Variants in MIA2 observed in about 807,000 individuals in gnomAD.
The protein encoded by MIA2 is MIA SH3 domain ER export factor 2.
A neutral mutation model predicts 167.8 loss-of-function variants in MIA2; 127 were observed. The ratio of observed to expected loss-of-function variants is 0.76; its 90% confidence interval spans 0.66 to 0.88. MIA2 has a LOEUF of 0.88. Ranked by LOEUF, MIA2 falls within the 40% of genes least tolerant of loss-of-function variation. MIA2 has a pLI of 0.00. For synonymous variants in MIA2, 552 were observed against 541.9 expected (o/e 1.02, Z -0.26); for missense variants, 1,690 against 1,624.7 (o/e 1.04, Z -0.69).
intron 23 of MIA2, among the ~76,000 whole-genome samples, chr14:39,358,371 A>C (rs181944825): frequency 1.3e-5 from 2 of 152,282 alleles, no homozygotes; most frequent in Non-Finnish European, 2.9e-5. Context: ...TGCATTCGTC[A>C]CGTAGTTCTT....
intron 26 of MIA2, chr14:39,347,494 G>A (rs2153076571): frequency 1.9e-6 from 1 of 536,650 alleles, no homozygotes; most frequent in South Asian, 2.3e-5. Flanking sequence ...TTAGGAACTA[G>A]CCAGAGAAAT....
At chr14:39,263,632 TC>T (rs1168647439) in intron 6 of MIA2, among the ~76,000 whole-genome samples, 221 of 120,448 alleles carry the variant, frequency 1.8e-3, no homozygotes, top group Admixed American at 6.0e-3. Context: ...TCTCTCTCTC[TC>T]TTTTTTTTTT....
rs769272934 is a variant in MIA2, at chr14:39,348,807, C to A, written c.3902C>A (p.Pro1301His). Residue 1301 changes from proline to histidine, a missense_variant, in exon 28 of 29, where the codon CCT (proline) becomes CAT (histidine). Transcript: ENST00000640607. Reference protein sequence around the residue: ...ENEATGPGFVPPPLAPIRGPL... With the variant: ...ENEATGPGFVHPPLAPIRGPL... The stretch of plus-strand genomic sequence containing the variant: ...GAAGCCACTGGCCCTGGCTTTGTTC[C>A]TCCACCTCTTGCTCCAATCAGAGGT... The A allele has an allele frequency of 6.2e-7, 1 of 1,614,040 alleles. No homozygotes were observed. Among genetic ancestry groups the A allele is most frequent in the Non-Finnish European group, 8.5e-7 (1 of 1,179,922 alleles).
chr14:39,234,246 C>A lies in MIA2; in HGVS notation c.115+17C>A. Reference sequence around the variant, plus strand: ...AATGTGAAGGTAAGTTTGCTTCCCCCGCTTCTTCTCCTCCTAAATTGAGGC... The same window carrying A: ...AATGTGAAGGTAAGTTTGCTTCCCCAGCTTCTTCTCCTCCTAAATTGAGGC... On this transcript the variant is annotated intron_variant, in intron 1 of 28. Transcript: ENST00000640607. The A allele has an allele frequency of 6.7e-7, 1 of 1,498,808 alleles. No individual in the cohort carries two copies. Among genetic ancestry groups the A allele is most frequent in the Non-Finnish European group, 9.2e-7 (1 of 1,083,704 alleles). 92.8% of individuals were successfully genotyped at this position (1,498,808 alleles called of 1,614,324 possible).
intron 6 of MIA2, among the ~76,000 whole-genome samples, chr14:39,255,444 G>A (rs573224438): frequency 6.6e-6 from 1 of 152,242 alleles, no homozygotes; most frequent in South Asian, 2.1e-4. Context: ...GGAAGCGGAG[G>A]TTGCAGTGAG....
At chr14:39,319,755 G>C (rs1489693511) in intron 23 of MIA2, among the ~76,000 whole-genome samples, 4 of 152,028 alleles carry the variant, frequency 2.6e-5, no homozygotes, top group East Asian at 1.9e-4. Flanking sequence ...AACTCAGTCT[G>C]AGGTTTGATT....
intron 6 of MIA2, chr14:39,267,188 G>C: frequency 7.9e-7 from 1 of 1,258,200 alleles, no homozygotes; most frequent in Non-Finnish European, 1.0e-6. Flanking sequence ...GGCGAGGACA[G>C]GGTACGTCGC....
chr14:39,308,600 A>T lies in MIA2; in HGVS notation c.3017+13A>T. On this transcript the variant is annotated intron_variant, in intron 18 of 28. Coordinates refer to ENST00000640607, the MANE Select transcript of MIA2 (RefSeq NM_001329214.4). ...TGAAACTCCACAGGTAATAAAAATT[A>T]TGTTAACTCCATTGAACAGCAAGTA... The T allele has an allele frequency of 6.5e-7, 1 of 1,528,578 alleles. No individual in the cohort carries two copies. The highest frequency in any genetic ancestry group is 8.9e-7 in the Non-Finnish European group (1 of 1,127,728). 94.7% of individuals were successfully genotyped at this position (1,528,578 alleles called of 1,614,324 possible). A position where few individuals can be genotyped will look rare whatever the true frequency, so the allele number is the denominator to read the frequency against.
intron 9 of MIA2, 64 bp downstream of exon 9, chr14:39,279,601 G>T: frequency 1.0e-6 from 1 of 1,004,364 alleles, no homozygotes. Context: ...CTCACTGTAG[G>T]TACTTCTGTG....
chr14:39,294,015 A>G lies in MIA2; in HGVS notation c.2335A>G (p.Lys779Glu). 2 of 1,609,330 alleles carry G rather than the reference A, an allele frequency of 1.2e-6. No individual in the cohort carries two copies. Among genetic ancestry groups the G allele is most frequent in the South Asian group, 2.2e-5 (2 of 89,882 alleles). Residue 779 changes from lysine (K) to glutamate (E), a missense_variant, in exon 12 of 29, where the codon AAA becomes GAA. By Grantham distance (56) the Lys-to-Glu change is moderately conservative (BLOSUM62 1). Transcript: ENST00000640607. ...EQDELMADIS[K>E]RIQSLEDESK... is the part of the protein sequence containing the mutation. ...GTGTTTCTAGATGGCGGATATTTCA[A>G]AAAGGATACAGTCTCTAGAAGATGA...
intron 18 of MIA2, 114 bp downstream of exon 18, chr14:39,308,701 A>G (rs1236498176): frequency 4.6e-6 from 4 of 871,162 alleles, no homozygotes; most frequent in Non-Finnish European, 6.8e-6. Flanking sequence ...ATTAGATTGT[A>G]TTTCATCAAC....
chr14:39,266,760 G>A (rs1594770318), intron 6 of MIA2: 1 of 985,140 alleles, frequency 1.0e-6, no homozygotes, highest in South Asian at 4.7e-5. Context: ...CTTCTGCAGG[G>A]CGCAGACAGC....
At chr14:39,368,578 A>G (rs1427474116) in intron 23 of MIA2, among the ~76,000 whole-genome samples, 7 of 150,508 alleles carry the variant, frequency 4.7e-5, no homozygotes, top group Non-Finnish European at 1.0e-4. Flanking sequence ...TACTCTGAAG[A>G]CTCATTTTCT....
rs962547521 is a variant in MIA2, at chr14:39,302,160, A to G, written c.2651A>G (p.Asp884Gly). The G allele has an allele frequency of 1.2e-6, 2 of 1,613,614 alleles. No homozygotes were observed. The highest frequency in any genetic ancestry group is 2.7e-5 in the African/African-American group (2 of 74,918). The change falls in exon 15 of 29, where the codon GAT becomes GGT. Residue 884 changes from aspartate (D) to glycine (G), a missense_variant. By Grantham distance (94) the Asp-to-Gly change is moderately conservative. Transcript: ENST00000640607. The stretch of plus-strand genomic sequence containing the variant: ...ACTGAACGCTTGTTAAAGATGAAAG[A>G]TTGGGCTGCTATGCTTGGAGAAGAC... ...TLTERLLKMKDWAAMLGEDIT... is the reference protein window; with the variant it reads ...TLTERLLKMKGWAAMLGEDIT...
chr14:39,256,854 G>A (rs1184745808), intron 6 of MIA2, among the ~76,000 whole-genome samples: 1 of 152,110 alleles, frequency 6.6e-6, no homozygotes, highest in African/African-American at 2.4e-5. Flanking sequence ...ATGAAGAGAA[G>A]GAAGCAACAA....
chr14:39,327,262 A>G (rs1036197980), intron 25 of MIA2, among the ~76,000 whole-genome samples: 14 of 152,104 alleles, frequency 9.2e-5, no homozygotes, highest in African/African-American at 3.4e-4. Flanking sequence ...TGTAGAGGTA[A>G]TAATGCATGT....
At chr14:39,267,357 T>C (rs2056002524) in intron 6 of MIA2, 6 of 1,579,430 alleles carry the variant, frequency 3.8e-6, no homozygotes, top group Non-Finnish European at 5.1e-6. Flanking sequence ...GGTTGCCGGG[T>C]GCGGATTCGG....
At chr14:39,302,779 C>T (rs1361613120) in intron 15 of MIA2, among the ~76,000 whole-genome samples, 2 of 152,096 alleles carry the variant, frequency 1.3e-5, no homozygotes, top group African/African-American at 4.8e-5. Flanking sequence ...TATTCTCACA[C>T]CAATTCCTTT....
rs1184255021 is a variant in MIA2 at position 39,250,336 on chromosome 14, G to A, written c.1567+2195G>A. 2.0e-5 allele frequency among the ~76,000 whole-genome samples: 3 copies of A among 152,278 alleles called. No homozygotes were observed. In the East Asian group the frequency reaches 5.8e-4, roughly 29 times the overall value. ...TAGTCCCAGCTACTTGGGAGGCTGA[G>A]GTGGGAAATCACTTGAGCCTAGGAG... On this transcript the variant is annotated intron_variant, in intron 4 of 28. Coordinates refer to ENST00000640607, the MANE Select transcript of MIA2 (RefSeq NM_001329214.4).
Sources: gnomAD v4.1 joint callset for allele counts (sites outside exome capture counted in the v4.1 genomes callset) on GRCh38, gnomAD v4.1.1 for gene constraint, MANE v1.5 for transcripts, NCBI Gene and HGNC (gene_info 2026-07-23, HGNC 2026-07-21) for gene names.